The following RAMP1 variants were observed in gnomAD, a reference collection of about 807,000 sequenced individuals.
The protein encoded by RAMP1 is receptor activity modifying protein 1, also known as receptor activity-modifying protein 1.
In RAMP1, 7 loss-of-function variants were observed where a neutral mutation model predicts 8.2. The ratio of observed to expected loss-of-function variants is 0.85; its 90% CI spans 0.49 to 1.60. The LOEUF (loss-of-function observed/expected upper bound fraction) is 1.60, where lower values mean the gene tolerates loss of function less well. Among genes scored for constraint, RAMP1 ranks in the 40% most tolerant of loss-of-function variants. The pLI, the probability that RAMP1 is intolerant of heterozygous loss-of-function variation, is 0.00. For missense variants in RAMP1, 192 were observed against 202.4 expected (o/e 0.95, Z 0.31); for synonymous variants, 92 against 84.7 (o/e 1.09, Z -0.47).
chr2:237,897,210 C>T (rs1002699722), intron 2 of RAMP1, among the ~76,000 whole-genome samples: 1 of 152,260 alleles, frequency 6.6e-6, no homozygotes, highest in African/African-American at 2.4e-5. Flanking sequence ...ACCAGCTTCA[C>T]TTCAGGCCAG....
intron 1 of RAMP1, among the ~76,000 whole-genome samples, chr2:237,871,892 G>A (rs888376315): frequency 6.6e-6 from 1 of 152,160 alleles, no homozygotes; most frequent in Non-Finnish European, 1.5e-5. Context: ...CACTAGATAC[G>A]GTGATGGTTG....
chr2:237,871,562 T>A (rs577414788), intron 1 of RAMP1, among the ~76,000 whole-genome samples: 12 of 152,238 alleles, frequency 7.9e-5, no homozygotes, highest in Admixed American at 2.0e-4. Flanking sequence ...CAGGCGTTCC[T>A]ATGGGCTGGG....
chr2:237,863,932 G>A (rs892473940), intron 1 of RAMP1, among the ~76,000 whole-genome samples: 13 of 151,910 alleles, frequency 8.6e-5, no homozygotes, highest in African/African-American at 2.7e-4. Flanking sequence ...CACCCCTCAC[G>A]GGGACAACTG....
chr2:237,889,565 C>T (rs1454637029), intron 2 of RAMP1, among the ~76,000 whole-genome samples: 1 of 152,198 alleles, frequency 6.6e-6, no homozygotes, highest in African/African-American at 2.4e-5. Context: ...TACAATATTT[C>T]CTACAATTTA....
At chr2:237,892,159 G>C (rs1416487849) in intron 2 of RAMP1, among the ~76,000 whole-genome samples, 1 of 151,606 alleles carries the variant, frequency 6.6e-6, no homozygotes, top group Non-Finnish European at 1.5e-5. Context: ...AAATTAAGTT[G>C]TATTTTTTCA....
intron 2 of RAMP1, among the ~76,000 whole-genome samples, chr2:237,898,966 C>CCAGGG (rs1352195547): frequency 6.6e-6 from 1 of 152,252 alleles, no homozygotes; most frequent in African/African-American, 2.4e-5. Flanking sequence ...AAGGGAGAAG[C>CCAGGG]CAGCCCTGGC....
At chr2:237,876,767 G>A (rs189869865) in intron 1 of RAMP1, among the ~76,000 whole-genome samples, 2 of 152,132 alleles carry the variant, frequency 1.3e-5, no homozygotes, top group East Asian at 3.9e-4. Flanking sequence ...CAGGAGGAGG[G>A]AGCACAGTTC....
Position 237,878,582 on chromosome 2 carries a change from G to A in RAMP1, c.191+1220G>A, listed in dbSNP as rs1171143012. On this transcript the variant is annotated intron_variant, in intron 2 of 2. Coordinates refer to ENST00000254661, the MANE Select transcript of RAMP1 (RefSeq NM_005855.4). This position sits in a 1 kb window ranked among gnomAD's most constrained non-coding sequence, Gnocchi z 5.7. ...TCCCTCTACCCTCAGAGCCCCGCTG[G>A]CCACAGCCTGCCCTCTTCAGTCCTA... 6.6e-6 allele frequency among the ~76,000 whole-genome samples: 1 copy of A among 152,170 alleles called. No homozygotes were observed. The highest frequency in any genetic ancestry group is 1.5e-5 in the Non-Finnish European group (1 of 68,026).
upstream of RAMP1, chr2:237,859,536 C>T (rs2062110519): frequency 7.5e-6 from 3 of 400,334 alleles, no homozygotes; most frequent in Non-Finnish European, 1.0e-5. Flanking sequence ...CGCAGTGGGC[C>T]GGGCCGCGCG....
chr2:237,911,377 C>T lies in RAMP1; in HGVS notation c.192-151C>T, dbSNP rs924030750. On this transcript the variant is annotated intron_variant, in intron 2 of 2. Transcript: ENST00000254661. ...CTTGGAGCCATCGGGCCCCTGCCCT[C>T]CTGGATCCAGGGCCACTGCCTCGGC... is the stretch of plus-strand genomic sequence containing the variant. 27 of 1,162,778 alleles carry T rather than the reference C, an allele frequency of 2.3e-5. No homozygotes were observed. In the South Asian group the frequency reaches 4.1e-4, roughly 17 times the overall value. 72.0% of individuals were successfully genotyped at this position (1,162,778 alleles called of 1,614,324 possible).
chr2:237,866,948 C>CA (rs959502551), intron 1 of RAMP1, among the ~76,000 whole-genome samples: 1 of 152,126 alleles, frequency 6.6e-6, no homozygotes, highest in African/African-American at 2.4e-5. Flanking sequence ...AGGCTGGTCT[C>CA]AAACTCCCAA....
intron 1 of RAMP1, among the ~76,000 whole-genome samples, chr2:237,873,027 T>G (rs1409152001): frequency 3.3e-5 from 5 of 152,062 alleles, no homozygotes; most frequent in African/African-American, 1.2e-4. Flanking sequence ...CGTCTCAAAA[T>G]CAAATAAAAT....
intron 2 of RAMP1, among the ~76,000 whole-genome samples, chr2:237,900,572 T>C (rs1374921779): frequency 6.6e-6 from 1 of 152,224 alleles, no homozygotes; most frequent in Admixed American, 6.5e-5. Flanking sequence ...TTATTTTCAT[T>C]TATTTTTGTT....
chr2:237,880,858 C>G (rs1250009482), intron 2 of RAMP1, among the ~76,000 whole-genome samples: 1 of 152,224 alleles, frequency 6.6e-6, no homozygotes, highest in Non-Finnish European at 1.5e-5. Flanking sequence ...GACCCCTAGA[C>G]TAGTGTTTGA....
At chr2:237,864,061 C>T (rs770808583) in intron 1 of RAMP1, among the ~76,000 whole-genome samples, 14 of 152,140 alleles carry the variant, frequency 9.2e-5, no homozygotes, top group Non-Finnish European at 2.1e-4. Flanking sequence ...ATGTTCAGGC[C>T]CCCAGGCCTT....
chr2:237,865,258 G>C lies in RAMP1; in HGVS notation c.52+5531G>C, dbSNP rs931258084. On this transcript the variant is annotated intron_variant, in intron 1 of 2. Coordinates refer to ENST00000254661, the MANE Select transcript of RAMP1 (RefSeq NM_005855.4). This position sits in a 1 kb window ranked among gnomAD's most constrained non-coding sequence, Gnocchi z 4.2. ...GGGGAGTAGGGAGGGCAGGGCAGGGGAGAAGAGAGGAGAGGAGGGGAGGGG... is the reference window on the plus strand; with the variant it reads ...GGGGAGTAGGGAGGGCAGGGCAGGGCAGAAGAGAGGAGAGGAGGGGAGGGG... Among the ~76,000 whole-genome samples the C allele has an allele frequency of 7.1e-6, 1 of 141,788 alleles. No individual in the cohort carries two copies. Among genetic ancestry groups the C allele is most frequent in the South Asian group, 2.5e-4 (1 of 4,060 alleles). 93.0% of individuals were successfully genotyped at this position (141,788 alleles called of 152,430 possible).
At chr2:237,893,825 GC>G (rs1464007475) in intron 2 of RAMP1, among the ~76,000 whole-genome samples, 1 of 152,034 alleles carries the variant, frequency 6.6e-6, no homozygotes, top group Non-Finnish European at 1.5e-5. Context: ...TGCAGTCCCA[GC>G]TACTCGGAGG....
intron 1 of RAMP1, among the ~76,000 whole-genome samples, chr2:237,861,861 A>AC (rs973884659): frequency 4.6e-5 from 7 of 151,908 alleles, no homozygotes; most frequent in African/African-American, 1.7e-4. Flanking sequence ...CAAAAAAAAA[A>AC]AAAACTTAGG....
At chr2:237,906,431 G>A (rs529611144) in intron 2 of RAMP1, among the ~76,000 whole-genome samples, 12 of 152,258 alleles carry the variant, frequency 7.9e-5, no homozygotes, top group Admixed American at 2.0e-4. Flanking sequence ...CTGGGATGCC[G>A]GAGAGGCCCC....
Sources: allele counts gnomAD v4.1 joint callset (sites outside exome capture counted in the v4.1 genomes callset), GRCh38; gene constraint gnomAD v4.1.1; non-coding constraint Gnocchi (gnomAD v3.1); transcripts MANE v1.5; gene names NCBI Gene and HGNC (gene_info 2026-07-23, HGNC 2026-07-21).